Variants in C1orf21 observed in about 807,000 individuals in gnomAD.
The protein encoded by C1orf21 is chromosome 1 open reading frame 21.
A neutral mutation model predicts 18.7 loss-of-function variants in C1orf21; 3 were observed. The observed-to-expected ratio is 0.16, with a 90% CI of 0.07 to 0.42. C1orf21 has a LOEUF of 0.42. Ranked by LOEUF, C1orf21 falls within the 10% of genes least tolerant of loss-of-function variation. The pLI is 0.99. For synonymous variants in C1orf21, 41 were observed against 46.4 expected, an observed-to-expected ratio of 0.88 and a Z score of 0.47; for missense variants, 104 against 143.6, an observed-to-expected ratio of 0.72 and a Z score of 1.41.
intron 1 of C1orf21, among the ~76,000 whole-genome samples, chr1:184,444,286 T>C (rs1219718815): frequency 6.6e-6 from 1 of 152,214 alleles, no homozygotes; most frequent in African/African-American, 2.4e-5. Context: ...AAATCTCATT[T>C]TGAATTGTAC....
At chr1:184,499,536 G>A (rs1377993809) in intron 2 of C1orf21, among the ~76,000 whole-genome samples, 1 of 152,168 alleles carries the variant, frequency 6.6e-6, no homozygotes, top group Non-Finnish European at 1.5e-5. Flanking sequence ...ATGAAGGCTA[G>A]ATGTACTTCT....
chr1:184,405,318 C>A (rs1318348790), intron 1 of C1orf21, among the ~76,000 whole-genome samples: 2 of 152,072 alleles, frequency 1.3e-5, no homozygotes, highest in African/African-American at 4.8e-5. Flanking sequence ...ACTGTAGCCT[C>A]CTGAGTAGCT....
intron 3 of C1orf21, among the ~76,000 whole-genome samples, chr1:184,516,132 C>T (rs1658221302): frequency 6.6e-6 from 1 of 152,128 alleles, no homozygotes; most frequent in Non-Finnish European, 1.5e-5. Flanking sequence ...TTTTGATTTA[C>T]TGTTTCCAGG....
chr1:184,396,914 C>T (rs958498219), intron 1 of C1orf21, among the ~76,000 whole-genome samples: 6 of 152,164 alleles, frequency 3.9e-5, no homozygotes, highest in African/African-American at 7.2e-5. Context: ...ACCTGCCGCA[C>T]ACTAGGGGCC....
chr1:184,616,060 T>C (rs1316023458), intron 5 of C1orf21, among the ~76,000 whole-genome samples: 1 of 152,214 alleles, frequency 6.6e-6, no homozygotes, highest in Admixed American at 6.5e-5. Context: ...TCTTCATCCT[T>C]GCCCCAAGCC....
At chr1:184,492,543 T>C (rs1657831463) in intron 2 of C1orf21, among the ~76,000 whole-genome samples, 1 of 152,224 alleles carries the variant, frequency 6.6e-6, no homozygotes, top group Non-Finnish European at 1.5e-5. Flanking sequence ...AAATTGTTAA[T>C]TGCATTGTGA....
rs115374337 is a variant in C1orf21 at position 184,459,480 on chromosome 1, C to A, written c.-124-17906C>A. On this transcript the variant is annotated intron_variant, in intron 1 of 5. Coordinates refer to ENST00000235307, the MANE Select transcript of C1orf21 (RefSeq NM_030806.4). ...TCTTTATTTCCCACTGACTAAATGG[C>A]TTTACTTTCTTATAACAGAAATTTA... 3.2e-3 allele frequency among the ~76,000 whole-genome samples: 481 copies of A among 152,260 alleles called. 4 individuals are homozygous for A. Among genetic ancestry groups the A allele is most frequent in the African/African-American group, 0.011 (455 of 41,556 alleles).
intron 3 of C1orf21, among the ~76,000 whole-genome samples, chr1:184,540,497 G>A (rs903045361): frequency 2.0e-5 from 3 of 151,638 alleles, no homozygotes; most frequent in Admixed American, 6.6e-5. Flanking sequence ...GCAGTGGCAC[G>A]ATCTCAACTG....
chr1:184,448,607 A>T (rs372052862), intron 1 of C1orf21, among the ~76,000 whole-genome samples: 117 of 152,272 alleles, frequency 7.7e-4, no homozygotes, highest in Middle Eastern at 6.8e-3. Flanking sequence ...AGCTTTTACC[A>T]TGTGGTGGTG....
At chr1:184,546,718 G>A (rs982708149) in intron 3 of C1orf21, among the ~76,000 whole-genome samples, 15 of 152,294 alleles carry the variant, frequency 9.8e-5, no homozygotes, top group African/African-American at 3.4e-4. Context: ...AAAGCCATCC[G>A]CTCTCAGAGG....
chr1:184,550,487 A>G (rs904007561), intron 3 of C1orf21, among the ~76,000 whole-genome samples: 6 of 152,168 alleles, frequency 3.9e-5, no homozygotes, highest in African/African-American at 1.2e-4. Context: ...AAGTGATTTC[A>G]TCTCTTCAAG....
At chr1:184,449,732 T>A (rs1295493704) in intron 1 of C1orf21, among the ~76,000 whole-genome samples, 1 of 152,172 alleles carries the variant, frequency 6.6e-6, no homozygotes, top group Non-Finnish European at 1.5e-5. Context: ...TATCTCAACA[T>A]GATACATACA....
intron 2 of C1orf21, among the ~76,000 whole-genome samples, chr1:184,495,421 G>T (rs4651212): frequency 0.08 from 12,170 of 152,082 alleles, 601 homozygotes; most frequent in African/African-American, 0.13. Context: ...GAACAAATAC[G>T]CAAATGAAGC....
intron 1 of C1orf21, among the ~76,000 whole-genome samples, chr1:184,472,555 T>C (rs1330830133): frequency 6.6e-6 from 1 of 152,208 alleles, no homozygotes; most frequent in Non-Finnish European, 1.5e-5. Context: ...TAAATAGAAA[T>C]ATTTTCCTGT....
chr1:184,389,222 C>T (rs919294427), intron 1 of C1orf21, among the ~76,000 whole-genome samples: 2 of 151,564 alleles, frequency 1.3e-5, no homozygotes, highest in Non-Finnish European at 2.9e-5. Context: ...CCAGTGCGCT[C>T]AGCTCTTGGG....
In C1orf21 at chr1:184,596,264, C is replaced by A. The variant is rs571179177; in HGVS notation, c.267-2137C>A. On this transcript the variant is annotated intron_variant, in intron 4 of 5. Coordinates refer to ENST00000235307, the MANE Select transcript of C1orf21 (RefSeq NM_030806.4). ...TAGACAGTAGAAGGGACATCAGTGACCAGCCCTGGTTTTATAGATGAGGAC... is the reference window on the plus strand; with the variant it reads ...TAGACAGTAGAAGGGACATCAGTGAACAGCCCTGGTTTTATAGATGAGGAC... Among the ~76,000 whole-genome samples, 9 of 152,312 alleles carry A rather than the reference C, an allele frequency of 5.9e-5. No homozygotes were observed. The East Asian group carries it at 1.7e-3, about 29-fold the overall frequency.
chr1:184,449,055 TTATTATTATTATAC>T (rs957777689), intron 1 of C1orf21, among the ~76,000 whole-genome samples: 1 of 134,240 alleles, frequency 7.4e-6, no homozygotes. Flanking sequence ...ATTTCTTTTA[TTATTATTATTATAC>T]TTTAAGTTCT....
chr1:184,497,012 A>G (rs1390672960), intron 2 of C1orf21, among the ~76,000 whole-genome samples: 1 of 152,178 alleles, frequency 6.6e-6, no homozygotes, highest in Non-Finnish European at 1.5e-5. Context: ...CATCAGCTCT[A>G]TGTCCTCAGG....
intron 3 of C1orf21, among the ~76,000 whole-genome samples, chr1:184,521,408 G>A (rs868015223): frequency 6.6e-6 from 1 of 152,078 alleles, no homozygotes; most frequent in South Asian, 2.1e-4. Context: ...GAGTGGACAA[G>A]CTGTAGTACA....
Sources: gnomAD v4.1 joint callset for allele counts (sites outside exome capture counted in the v4.1 genomes callset) on GRCh38, gnomAD v4.1.1 for gene constraint, MANE v1.5 for transcripts, NCBI Gene and HGNC (gene_info 2026-07-23, HGNC 2026-07-21) for gene names.